ZSCAN21: variants seen among roughly 807,000 people sequenced by gnomAD.
The protein encoded by ZSCAN21 is zinc finger and SCAN domain containing 21.
In ZSCAN21, 26 loss-of-function variants were observed where a neutral mutation model predicts 35.6. That is an observed-to-expected ratio of 0.73 (90% CI 0.54 to 1.01). The LOEUF (loss-of-function observed/expected upper bound fraction) is 1.01, where lower values mean the gene tolerates loss of function less well. Among genes scored for constraint, ZSCAN21 ranks in the 50% least tolerant of loss-of-function variants. ZSCAN21 has a pLI of 0.00. For synonymous variants in ZSCAN21, 219 were observed against 219.3 expected (o/e 1.00, Z 0.01); for missense variants, 593 against 587.1 (o/e 1.01, Z -0.10).
chr7:100,062,206 C>T (rs1360197246), intron 3 of ZSCAN21, among the ~76,000 whole-genome samples: 4 of 151,620 alleles, frequency 2.6e-5, no homozygotes, highest in Non-Finnish European at 5.9e-5. Context: ...CTTAATTGTC[C>T]TTGTCATTTT....
Position 100,064,343 on chromosome 7 carries a change from C to T in ZSCAN21, c.1148C>T (p.Thr383Ile), listed in dbSNP as rs1183000361. 2.5e-6 allele frequency: 4 copies of T among 1,614,180 alleles called. No individual in the cohort carries two copies. Among genetic ancestry groups the T allele is most frequent in the East Asian group, 2.2e-5 (1 of 44,880 alleles). ...GSLIRHYRIH[T>I]GEKPYQCNEC... is the part of the protein sequence containing the mutation. ...CTCATTCGTCACTATCGGATCCACA[C>T]TGGGGAGAAGCCTTATCAGTGTAAC... is the stretch of plus-strand genomic sequence containing the variant. Residue 383 changes from threonine (T) to isoleucine (I), a missense_variant, in exon 4 of 4, where the codon ACT (threonine) becomes ATT (isoleucine). Thr to Ile is a moderately conservative substitution (Grantham distance 89). Coordinates refer to ENST00000292450, the MANE Select transcript of ZSCAN21 (RefSeq NM_145914.3).
Position 100,049,817 on chromosome 7 carries a change from G to C in ZSCAN21, c.-121G>C, listed in dbSNP as rs1458655285. The C allele has an allele frequency of 2.0e-5, 3 of 152,326 alleles. No individual in the cohort carries two copies. Among genetic ancestry groups the C allele is most frequent in the Admixed American group, 6.5e-5 (1 of 15,282 alleles). 9.4% of individuals were successfully genotyped at this position (152,326 alleles called of 1,614,324 possible). A position where few individuals can be genotyped will look rare whatever the true frequency, so the allele number is the denominator to read the frequency against. ...CCGAGGTACGCGGTGCGGTCTCCCG[G>C]TACCCGGAGCGGCTCTGATTCATGG... On this transcript the variant is annotated 5_prime_UTR_variant, in exon 1 of 4. Transcript: ENST00000292450.
chr7:100,063,820 G>A lies in ZSCAN21; in HGVS notation c.625G>A (p.Ala209Thr), dbSNP rs201161088. Residue 209 changes from alanine (A) to threonine (T), a missense_variant, in exon 4 of 4, where the codon GCA (alanine) becomes ACA (threonine). Ala to Thr is a moderately conservative substitution (Grantham distance 58). Coordinates refer to ENST00000292450, the MANE Select transcript of ZSCAN21 (RefSeq NM_145914.3). ...CRLSTQHEES[A>T]DEQKGSEAEG... ...ATTGAGTACCCAGCACGAGGAATCA[G>A]CAGATGAGCAGAAAGGTTCTGAAGC... 8 of 1,612,508 alleles carry A rather than the reference G, an allele frequency of 5.0e-6. No individual in the cohort carries two copies. Among genetic ancestry groups the A allele is most frequent in the Non-Finnish European group, 6.8e-6 (8 of 1,179,578 alleles).
In ZSCAN21 at chr7:100,064,653, C is replaced by T. The variant is rs1377519957; in HGVS notation, c.*36C>T. On this transcript the variant is annotated 3_prime_UTR_variant, in exon 4 of 4. Transcript: ENST00000292450. Reference sequence around the variant, plus strand: ...CTCCTGTTGTTGTCGTTGTTTTAAACTTTAGAATCTGAAAACCAGAAAGAA... The same window carrying T: ...CTCCTGTTGTTGTCGTTGTTTTAAATTTTAGAATCTGAAAACCAGAAAGAA... The T allele has an allele frequency of 6.2e-7, 1 of 1,603,024 alleles. No individual in the cohort carries two copies. The highest frequency in any genetic ancestry group is 2.2e-5 in the East Asian group (1 of 44,724).
At chr7:100,054,838 CAAA>C (rs375324113) in intron 1 of ZSCAN21, among the ~76,000 whole-genome samples, 4 of 63,026 alleles carry the variant, frequency 6.3e-5, no homozygotes, top group Admixed American at 1.8e-4. Flanking sequence ...GACGCTGTCT[CAAA>C]AAAAAAAAAA....
chr7:100,051,282 C>CCTTTTTTTTTT (rs1791863085), intron 1 of ZSCAN21, among the ~76,000 whole-genome samples: 1 of 34,948 alleles, frequency 2.9e-5, no homozygotes, highest in Non-Finnish European at 5.2e-5. Context: ...TAGGGATTTT[C>CCTTTTTTTTTT]TTTTTTTTTT....
intron 1 of ZSCAN21, among the ~76,000 whole-genome samples, chr7:100,050,713 G>GT (rs1382769005): frequency 7.2e-5 from 11 of 151,890 alleles, no homozygotes; most frequent in African/African-American, 2.4e-4. Context: ...AAAAAAGAAC[G>GT]TTGATTTGAT....
chr7:100,058,703 T>TG, intron 3 of ZSCAN21, among the ~76,000 whole-genome samples: 1 of 152,322 alleles, frequency 6.6e-6, no homozygotes, highest in South Asian at 2.1e-4. Flanking sequence ...TCATCCCCTG[T>TG]GGGGGTGTTT....
At chr7:100,061,246 G>T (rs1339881313) in intron 3 of ZSCAN21, among the ~76,000 whole-genome samples, 1 of 152,126 alleles carries the variant, frequency 6.6e-6, no homozygotes, top group Admixed American at 6.5e-5. Context: ...TTTTGGCTGG[G>T]CATGGTGGCT....
Position 100,064,716 on chromosome 7 carries a change from GT to G in ZSCAN21, c.*102del. 6.2e-7 allele frequency: 1 copy of G among 1,611,318 alleles called. No individual in the cohort carries two copies. The highest frequency in any genetic ancestry group is 8.5e-7 in the Non-Finnish European group (1 of 1,178,130). On this transcript the variant is annotated 3_prime_UTR_variant, in exon 4 of 4. Coordinates refer to ENST00000292450, the MANE Select transcript of ZSCAN21 (RefSeq NM_145914.3). ...CAGCAGCATCGATTCCGGTGATAGA[GT>G]TTGTATCACTCAACATCAGGGGATG...
chr7:100,052,823 G>C (rs1791930608), intron 1 of ZSCAN21, among the ~76,000 whole-genome samples: 1 of 152,038 alleles, frequency 6.6e-6, no homozygotes, highest in African/African-American at 2.4e-5. Context: ...CATTTGAGTT[G>C]TGTGCACCGC....
chr7:100,053,478 G>A, intron 1 of ZSCAN21, among the ~76,000 whole-genome samples: 1 of 148,830 alleles, frequency 6.7e-6, no homozygotes, highest in South Asian at 2.1e-4. Context: ...ATTAAATTTT[G>A]TAACAGTTAC....
chr7:100,054,079 T>C (rs1791988006), intron 1 of ZSCAN21, among the ~76,000 whole-genome samples: 1 of 152,020 alleles, frequency 6.6e-6, no homozygotes, highest in African/African-American at 2.4e-5. Flanking sequence ...TTTTAGTCTT[T>C]GGTGCTCAGG....
At chr7:100,051,931 G>C (rs1282588812) in intron 1 of ZSCAN21, among the ~76,000 whole-genome samples, 1 of 151,984 alleles carries the variant, frequency 6.6e-6, no homozygotes, top group Non-Finnish European at 1.5e-5. Flanking sequence ...CTAGCCGCAT[G>C]CTTCTTTATT....
chr7:100,064,504 A>G lies in ZSCAN21; in HGVS notation c.1309A>G (p.Ile437Val). 1 of 1,614,076 alleles carries G rather than the reference A, an allele frequency of 6.2e-7. No individual in the cohort carries two copies. The highest frequency in any genetic ancestry group is 8.5e-7 in the Non-Finnish European group (1 of 1,180,014). The change falls in exon 4 of 4, where the codon ATC becomes GTC. Residue 437 changes from isoleucine (I) to valine (V), a missense_variant. Physicochemically the swap from Ile to Val is conservative, Grantham distance 29. Transcript: ENST00000292450. ...HSSNFNKHHR[I>V]HTGEKPYWCH... ...CTCCAACTTCAATAAACACCACAGA[A>G]TCCACACCGGGGAAAAGCCCTACTG...
At chr7:100,049,951 C>T (rs1206387490) in intron 1 of ZSCAN21, 110 bp downstream of exon 1, 1 of 152,350 alleles carries the variant, frequency 6.6e-6, no homozygotes, top group African/African-American at 2.4e-5. Context: ...AGGACCCCAC[C>T]TAGACCGGTC....
intron 1 of ZSCAN21, among the ~76,000 whole-genome samples, chr7:100,054,206 G>T (rs1472470642): frequency 6.6e-6 from 1 of 151,966 alleles, no homozygotes; most frequent in Non-Finnish European, 1.5e-5. Context: ...TTTGGCCAAA[G>T]AATCCTTTAT....
chr7:100,057,535 A>G (rs1263990470), intron 2 of ZSCAN21, 130 bp downstream of exon 2: 10 of 1,385,528 alleles, frequency 7.2e-6, no homozygotes, highest in African/African-American at 5.8e-5. Flanking sequence ...GTTTCCTCCT[A>G]TTTTTCTCTA....
chr7:100,050,792 G>C (rs1209513333), intron 1 of ZSCAN21, among the ~76,000 whole-genome samples: 1 of 152,162 alleles, frequency 6.6e-6, no homozygotes, highest in East Asian at 1.9e-4. Context: ...AGAATTAAGA[G>C]GCAAGATAAT....
Sources: allele counts gnomAD v4.1 joint callset (sites outside exome capture counted in the v4.1 genomes callset), GRCh38; gene constraint gnomAD v4.1.1; transcripts MANE v1.5; gene names NCBI Gene and HGNC (gene_info 2026-07-23, HGNC 2026-07-21).